Variants in USP22 observed in about 807,000 individuals in gnomAD.
The protein encoded by USP22 is ubiquitin carboxyl-terminal hydrolase 22.
In USP22, 22 loss-of-function variants were observed where a neutral mutation model predicts 68.1. The ratio of observed to expected loss-of-function variants is 0.32; its 90% CI spans 0.23 to 0.46. The LOEUF (loss-of-function observed/expected upper bound fraction) is 0.46, where lower values mean the gene tolerates loss of function less well. Ranked by LOEUF, USP22 falls within the 20% of genes least tolerant of loss-of-function variation. The probability of loss-of-function intolerance (pLI) is 1.00; values close to 1 mark genes in which losing one functional copy is unlikely to be tolerated. For missense variants in USP22, 433 were observed against 695.8 expected (o/e 0.62, Z 4.25); for synonymous variants, 279 against 274.2 (o/e 1.02, Z -0.17).
chr17:21,022,798 C>CAAAA (rs574597364), intron 2 of USP22, among the ~76,000 whole-genome samples: 4 of 127,646 alleles, frequency 3.1e-5, no homozygotes, highest in Non-Finnish European at 5.0e-5. Flanking sequence ...GACTCCGTCT[C>CAAAA]AAAAAAAAAA....
chr17:21,027,577 G>A (rs941177540), intron 2 of USP22, among the ~76,000 whole-genome samples: 1 of 152,130 alleles, frequency 6.6e-6, no homozygotes, highest in Non-Finnish European at 1.5e-5. Flanking sequence ...AGCTTGGACC[G>A]CTTGAAAATG....
intron 1 of USP22, among the ~76,000 whole-genome samples, chr17:21,034,855 G>A (rs1014216355): frequency 1.3e-5 from 2 of 152,110 alleles, no homozygotes; most frequent in African/African-American, 2.4e-5. Flanking sequence ...CAAATAACAA[G>A]GTTGCTAAGA....
intron 2 of USP22, among the ~76,000 whole-genome samples, chr17:21,022,216 T>C (rs1432093981): frequency 6.6e-6 from 1 of 152,200 alleles, no homozygotes; most frequent in East Asian, 1.9e-4. Flanking sequence ...CACAAGAAAC[T>C]GTTCACAGTC....
intron 2 of USP22, among the ~76,000 whole-genome samples, chr17:21,026,128 T>C (rs1313877000): frequency 6.6e-6 from 1 of 152,214 alleles, no homozygotes. Context: ...CATGTTGGTG[T>C]GCGTCTGTAA....
At chr17:21,027,025 G>C (rs923457680) in intron 2 of USP22, among the ~76,000 whole-genome samples, 2 of 151,558 alleles carry the variant, frequency 1.3e-5, no homozygotes, top group African/African-American at 2.4e-5. Flanking sequence ...GGATGGTCTC[G>C]ATCTCCAGTC....
rs8072688 is a variant in USP22, at chr17:21,019,097, C to T, written c.507G>A (p.Ser169=). Residue 169 remains serine, a synonymous_variant, in exon 4 of 13, where the codon TCG becomes TCA. Coordinates refer to ENST00000261497, the MANE Select transcript of USP22 (RefSeq NM_015276.2). ...CGCTCCACCCACCTATGGTGCAGTT[C>T]GAGGTGATCTTTCTCCTTTTCGGGT... ...KHNPKRRKIT[S]NCTIGLRGLI... is the part of the protein sequence containing the mutation. 1.9e-3 allele frequency: 3,005 copies of T among 1,614,168 alleles called. 44 individuals are homozygous for T. The African/African-American group carries it at 0.031, about 16-fold the overall frequency.
Position 21,002,803 on chromosome 17 carries a change from C to T in USP22, c.*228G>A. ...TACGCTGCTCCTCCCACCCAGAGCA[C>T]ACCCCTCATCTCATCCATCTTCAAA... On this transcript the variant is annotated 3_prime_UTR_variant, in exon 13 of 13. Coordinates refer to ENST00000261497, the MANE Select transcript of USP22 (RefSeq NM_015276.2). 1 of 525,262 alleles carries T rather than the reference C, an allele frequency of 1.9e-6. No individual in the cohort carries two copies. Among genetic ancestry groups the T allele is most frequent in the Admixed American group, 3.1e-5 (1 of 32,046 alleles). The allele number at this position is 525,262 out of a possible 1,614,324, so 32.5% of individuals were successfully genotyped here.
Position 21,042,861 on chromosome 17 carries a change from G to T in USP22, c.-26C>A. ...GGGGGGCAAGGCCCGGCCGCGCGCG[G>T]GGGGCGGCGGCGAGGGAGGCGAGGA... is the stretch of plus-strand genomic sequence containing the variant. On this transcript the variant is annotated 5_prime_UTR_variant, in exon 1 of 13. Coordinates refer to ENST00000261497, the MANE Select transcript of USP22 (RefSeq NM_015276.2). The T allele has an allele frequency of 8.1e-7, 1 of 1,240,730 alleles. No individual in the cohort carries two copies. The allele number at this position is 1,240,730 out of a possible 1,614,324, so 76.9% of individuals were successfully genotyped here. A position where few individuals can be genotyped will look rare whatever the true frequency, so the allele number is the denominator to read the frequency against.
At chr17:21,029,265 T>C (rs1248118612) in intron 1 of USP22, among the ~76,000 whole-genome samples, 1 of 152,152 alleles carries the variant, frequency 6.6e-6, no homozygotes, top group Non-Finnish European at 1.5e-5. Context: ...TGACTCACAA[T>C]ACTAACGGGA....
At chr17:21,042,348 G>C (rs1369879887) in intron 1 of USP22, 2 of 177,330 alleles carry the variant, frequency 1.1e-5, no homozygotes, top group African/African-American at 5.7e-5. Flanking sequence ...GAGGGGGAGG[G>C]CGGAGAGAAA....
At chr17:21,020,259 A>AAAAAAAAAAAAAAAAG in intron 3 of USP22, among the ~76,000 whole-genome samples, 1 of 148,636 alleles carries the variant, frequency 6.7e-6, no homozygotes, top group Admixed American at 6.6e-5. Context: ...AAAAAAAAAA[A>AAAAAAAAAAAAAAAAG]AAAAAAAAAA....
chr17:21,027,308 A>AAAAAAAAAAAAAT (rs1211048727), intron 2 of USP22, among the ~76,000 whole-genome samples: 1 of 144,480 alleles, frequency 6.9e-6, no homozygotes, highest in Non-Finnish European at 1.6e-5. Flanking sequence ...AAAAAAAAAA[A>AAAAAAAAAAAAAT]AATCAGACAC....
At chr17:21,021,523 A>C (rs1018149872) in intron 2 of USP22, among the ~76,000 whole-genome samples, 2 of 152,170 alleles carry the variant, frequency 1.3e-5, no homozygotes, top group African/African-American at 4.8e-5. Flanking sequence ...CCTTCTCTGA[A>C]TGCGTGGTAT....
intron 1 of USP22, among the ~76,000 whole-genome samples, chr17:21,037,523 G>GA (rs1169487500): frequency 6.6e-6 from 1 of 152,058 alleles, no homozygotes; most frequent in Non-Finnish European, 1.5e-5. Flanking sequence ...AACCACAGCT[G>GA]AATCATGAGA....
At chr17:21,014,859 T>C (rs931973575) in intron 6 of USP22, among the ~76,000 whole-genome samples, 3 of 152,226 alleles carry the variant, frequency 2.0e-5, no homozygotes, top group Admixed American at 6.5e-5. Context: ...CCTGAGCGCA[T>C]GGGTTCTCAG....
At chr17:21,037,508 C>T (rs1972372419) in intron 1 of USP22, among the ~76,000 whole-genome samples, 2 of 152,196 alleles carry the variant, frequency 1.3e-5, no homozygotes, top group East Asian at 3.8e-4. Flanking sequence ...CTTCCCAAAA[C>T]TCATAACCAC....
rs931379413 is a variant in USP22 at position 21,004,925 on chromosome 17, T to A, written c.1385+3A>T. ...GACACCCACACCGCTAAGCACCACT[T>A]ACTTGTTGTCATTGTTGAGACTGTC... On this transcript the variant is annotated splice_donor_region_variant and intron_variant, in intron 11 of 12. Transcript: ENST00000261497. 1.2e-6 allele frequency: 2 copies of A among 1,614,182 alleles called. No homozygotes were observed. Among genetic ancestry groups the A allele is most frequent in the East Asian group, 2.2e-5 (1 of 44,878 alleles).
chr17:21,022,063 G>A (rs1379006673), intron 2 of USP22, among the ~76,000 whole-genome samples: 1 of 152,074 alleles, frequency 6.6e-6, no homozygotes, highest in East Asian at 1.9e-4. Flanking sequence ...TCTTGCCACT[G>A]CACTCCAGCC....
At chr17:21,042,171 C>T (rs1972442284) in intron 1 of USP22, 3 of 152,966 alleles carry the variant, frequency 2.0e-5, no homozygotes, top group South Asian at 2.1e-4. Context: ...TCTCTGCACC[C>T]GCATCCAGCC....
Sources: gnomAD v4.1 joint callset for allele counts (sites outside exome capture counted in the v4.1 genomes callset) on GRCh38, gnomAD v4.1.1 for gene constraint, MANE v1.5 for transcripts, NCBI Gene and HGNC (gene_info 2026-07-23, HGNC 2026-07-21) for gene names.